Variants in ERG observed in about 807,000 individuals in gnomAD.
ERG encodes ETS transcription factor ERG, also known as transcriptional regulator ERG.
ERG carries 9 observed loss-of-function variants against 55.3 expected under a neutral mutation model. The observed-to-expected ratio is 0.16, with a 90% CI of 0.10 to 0.28. The LOEUF (loss-of-function observed/expected upper bound fraction) is 0.28, where lower values mean the gene tolerates loss of function less well. Ranked by LOEUF, ERG falls within the 10% of genes least tolerant of loss-of-function variation. The pLI is 1.00. For synonymous variants in ERG, 223 were observed against 237.3 expected (o/e 0.94, Z 0.55); for missense variants, 434 against 631.6 (o/e 0.69, Z 3.35).
chr21:38,541,700 T>C (rs183193918), intron 2 of ERG, among the ~76,000 whole-genome samples: 6 of 152,352 alleles, frequency 3.9e-5, no homozygotes, highest in East Asian at 3.9e-4. Context: ...GGATAAATAA[T>C]TTGTAGTGAA....
intron 2 of ERG, among the ~76,000 whole-genome samples, chr21:38,429,353 TAC>T (rs1238586681): frequency 6.7e-6 from 1 of 150,100 alleles, no homozygotes; most frequent in Non-Finnish European, 1.5e-5. Flanking sequence ...TGCACACATA[TAC>T]ATATATAATA....
At chr21:38,582,113 C>T (rs899654417) in intron 1 of ERG, among the ~76,000 whole-genome samples, 1 of 151,242 alleles carries the variant, frequency 6.6e-6, no homozygotes, top group Admixed American at 6.6e-5. Flanking sequence ...TTGCCCTGTG[C>T]ACCTCTTCAT....
intron 1 of ERG, among the ~76,000 whole-genome samples, chr21:38,623,804 C>T (rs2060308084): frequency 6.6e-6 from 1 of 152,208 alleles, no homozygotes. Flanking sequence ...TTGCCTTTGA[C>T]CCATGGGGAG....
At chr21:38,375,277 T>C (rs1987212069), downstream of ERG, among the ~76,000 whole-genome samples, 1 of 152,208 alleles carries the variant, frequency 6.6e-6, no homozygotes, top group African/African-American at 2.4e-5. Context: ...GAGAAAGACC[T>C]GACTTAAAAC....
chr21:38,624,709 G>A (rs2060314255), intron 1 of ERG, among the ~76,000 whole-genome samples: 5 of 152,212 alleles, frequency 3.3e-5, no homozygotes, highest in Middle Eastern at 3.4e-3. Flanking sequence ...CAATGTTCTT[G>A]TCTGTAAAAC....
chr21:38,660,749 C>A (rs1221604084), intron 1 of ERG: 1 of 151,836 alleles, frequency 6.6e-6, no homozygotes. Context: ...GCGCGACTTG[C>A]GAACCCGGAG....
chr21:38,587,752 G>A (rs1435914855), upstream of ERG, among the ~76,000 whole-genome samples: 1 of 152,202 alleles, frequency 6.6e-6, no homozygotes, highest in Admixed American at 6.5e-5. Context: ...AGTGGTTAAA[G>A]GAGTATTTGG....
At chr21:38,592,571 C>CTCTGTGTGTGTGTGTGTGTGTGTGTG (rs1555871066) in intron 1 of ERG, among the ~76,000 whole-genome samples, 5 of 147,996 alleles carry the variant, frequency 3.4e-5, no homozygotes, top group African/African-American at 1.2e-4. Flanking sequence ...TCTCCCTTCA[C>CTCTGTGTGTGTGTGTGTGTGTGTGTG]TGTGTGTGTG....
chr21:38,397,562 C>T (rs1988283931), intron 6 of ERG, among the ~76,000 whole-genome samples: 1 of 125,880 alleles, frequency 7.9e-6, no homozygotes, highest in Admixed American at 1.0e-4. Context: ...TGCACCACTG[C>T]ACTTCAGCCT....
intron 2 of ERG, among the ~76,000 whole-genome samples, chr21:38,435,871 T>C (rs1260460957): frequency 6.6e-6 from 1 of 152,178 alleles, no homozygotes; most frequent in Admixed American, 6.5e-5. Context: ...TGTGACATCT[T>C]TTCTATCTTG....
At chr21:38,614,806 G>A (rs551524550) in intron 1 of ERG, among the ~76,000 whole-genome samples, 2 of 152,312 alleles carry the variant, frequency 1.3e-5, no homozygotes, top group Admixed American at 6.5e-5. Context: ...GCCTCAGCAG[G>A]GAGTCCCTCC....
chr21:38,578,652 C>T (rs571872590), intron 1 of ERG, among the ~76,000 whole-genome samples: 1 of 152,124 alleles, frequency 6.6e-6, no homozygotes, highest in Admixed American at 6.5e-5. Context: ...AGTCACCCAC[C>T]CCAATCACCC....
At chr21:38,554,069 G>A (rs1001375294) in intron 2 of ERG, among the ~76,000 whole-genome samples, 4 of 151,914 alleles carry the variant, frequency 2.6e-5, no homozygotes, top group South Asian at 2.1e-4. Flanking sequence ...TGACCAACAA[G>A]CATATGAAAA....
intron 5 of ERG, among the ~76,000 whole-genome samples, chr21:38,401,831 G>C (rs542032390): frequency 4.9e-4 from 75 of 152,276 alleles, no homozygotes; most frequent in Admixed American, 1.1e-3. Flanking sequence ...TGCTGTGAGC[G>C]GGGGGCGAGG....
At chr21:38,503,774 G>A (rs1234309667) in intron 2 of ERG, among the ~76,000 whole-genome samples, 4 of 152,186 alleles carry the variant, frequency 2.6e-5, no homozygotes, top group African/African-American at 9.7e-5. Context: ...TGAGATTGTA[G>A]ATAAGAATCA....
downstream of ERG, among the ~76,000 whole-genome samples, chr21:38,378,821 TAA>T (rs1394836862): frequency 6.6e-6 from 1 of 152,218 alleles, no homozygotes; most frequent in Admixed American, 6.5e-5. Context: ...CAAAATAGCT[TAA>T]GATTAAGAAA....
chr21:38,444,726 G>GAAA (rs112449752), intron 2 of ERG, among the ~76,000 whole-genome samples: 11 of 134,156 alleles, frequency 8.2e-5, no homozygotes, highest in Non-Finnish European at 1.3e-4. Context: ...CTAAGAGGAG[G>GAAA]AAAAAAAAAA....
At chr21:38,509,715 G>C (rs1190269005) in intron 2 of ERG, among the ~76,000 whole-genome samples, 1 of 152,130 alleles carries the variant, frequency 6.6e-6, no homozygotes, top group East Asian at 1.9e-4. Context: ...ACTTTCCCAA[G>C]GAGATGTGAG....
intron 2 of ERG, among the ~76,000 whole-genome samples, chr21:38,562,862 T>C (rs2059901274): frequency 6.6e-6 from 1 of 152,166 alleles, no homozygotes; most frequent in Non-Finnish European, 1.5e-5. Context: ...CATGAGCATA[T>C]AAAAGTGTGC....
Sources: allele counts gnomAD v4.1 joint callset (sites outside exome capture counted in the v4.1 genomes callset), GRCh38; gene constraint gnomAD v4.1.1; transcripts MANE v1.5; gene names NCBI Gene and HGNC (gene_info 2026-07-23, HGNC 2026-07-21).